Variants in PEX6 observed in about 807,000 individuals in gnomAD.
PEX6 encodes peroxisomal biogenesis factor 6.
A neutral mutation model predicts 85.6 loss-of-function variants in PEX6; 55 were observed. That is an observed-to-expected ratio of 0.64 (90% confidence interval 0.52 to 0.80). The LOEUF is 0.80. Ranked by LOEUF, PEX6 falls within the 30% of genes least tolerant of loss-of-function variation. The pLI, the probability that PEX6 is intolerant of heterozygous loss-of-function variation, is 0.00. For missense variants in PEX6, 1,099 were observed against 1,260.3 expected, an observed-to-expected ratio of 0.87 and a Z score of 1.94; for synonymous variants, 519 against 549.1, an observed-to-expected ratio of 0.95 and a Z score of 0.77.
Position 42,967,511 on chromosome 6 carries a change from C to T in PEX6, c.1741G>A (p.Ala581Thr), listed in dbSNP as rs1316254924. ...ATTSRAQDLP[A>T]DVQTAFPHEL... is the part of the protein sequence containing the mutation. Reference sequence around the variant, plus strand: ...TGAGGAAATGCTGTCTGCACATCAGCAGGCAGGTCCTGGGCCCGGCTTGTG... The same window carrying T: ...TGAGGAAATGCTGTCTGCACATCAGTAGGCAGGTCCTGGGCCCGGCTTGTG... Residue 581 changes from alanine (A) to threonine (T), a missense_variant, in exon 8 of 17, where the codon GCT becomes ACT. This residue lies in a region of PEX6 where 514 missense variants were observed against 627.0 expected (regional missense o/e 0.82). Transcript: ENST00000304611. The T allele has an allele frequency of 1.2e-6, 2 of 1,608,990 alleles. No individual in the cohort carries two copies. Among genetic ancestry groups the T allele is most frequent in the African/African-American group, 1.3e-5 (1 of 74,984 alleles).
chr6:42,976,654 C>T (rs1336146413), intron 1 of PEX6, among the ~76,000 whole-genome samples: 5 of 151,600 alleles, frequency 3.3e-5, no homozygotes, highest in African/African-American at 1.2e-4. Context: ...TGAGCCACTG[C>T]GCCTGGCCTT....
At position 42,971,907 on chromosome 6, in the gene PEX6, A is replaced by G. The variant is rs1239640149; in HGVS notation, c.1131-1920T>C. Among the ~76,000 whole-genome samples the G allele has an allele frequency of 1.3e-5, 2 of 152,234 alleles. No individual in the cohort carries two copies. Among genetic ancestry groups the G allele is most frequent in the Non-Finnish European group, 2.9e-5 (2 of 68,036 alleles). ...GAAAGCTAGCTCAAAGACGTTTGCT[A>G]AATTTATGATAGGAGAGAGAGGTGG... On this transcript the variant is annotated intron_variant, in intron 3 of 16. Transcript: ENST00000304611. This position sits in a 1 kb window ranked among gnomAD's most constrained non-coding sequence, Gnocchi z 4.4.
chr6:42,968,781 G>C, intron 6 of PEX6, 93 bp downstream of exon 6: 1 of 971,048 alleles, frequency 1.0e-6, no homozygotes, highest in South Asian at 1.3e-5. Context: ...CCTGTGAGTA[G>C]ACAGAGGAGG....
Position 42,965,747 on chromosome 6 carries a change from A to G in PEX6, c.2405T>C (p.Phe802Ser). Reference sequence around the variant, plus strand: ...TGGGGCCAAAGAGTCCAGTTCATCAAAGAAGATAATGCATGGAGCTGCAGC... The same window carrying G: ...TGGGGCCAAAGAGTCCAGTTCATCAGAGAAGATAATGCATGGAGCTGCAGC... ...ARAAAPCIIFFDELDSLAPSR... is the reference protein window; with the variant it reads ...ARAAAPCIIFSDELDSLAPSR... Residue 802 changes from phenylalanine to serine, a missense_variant, in exon 13 of 17, where the codon TTT becomes TCT. This residue lies in a region of PEX6 where 514 missense variants were observed against 627.0 expected (regional missense o/e 0.82). Coordinates refer to ENST00000304611, the MANE Select transcript of PEX6 (RefSeq NM_000287.4). The surrounding 1 kb of genome is among the most constrained non-coding windows in gnomAD (Gnocchi z 5.0). 6.2e-7 allele frequency: 1 copy of G among 1,614,046 alleles called. No individual in the cohort carries two copies. Among genetic ancestry groups the G allele is most frequent in the Non-Finnish European group, 8.5e-7 (1 of 1,179,994 alleles).
rs941198230 is a variant in PEX6, at chr6:42,964,153, A to T, written c.*182T>A. 4 of 645,640 alleles carry T rather than the reference A, an allele frequency of 6.2e-6. No individual in the cohort carries two copies. Among genetic ancestry groups the T allele is most frequent in the Non-Finnish European group, 1.1e-5 (4 of 369,010 alleles). 40.0% of individuals were successfully genotyped at this position (645,640 alleles called of 1,614,324 possible). ...GGAAGGAGGGGCAAGTAGGCAGGAG[A>T]TATCTCTTGAGCTGTTGCTGCTGTC... On this transcript the variant is annotated 3_prime_UTR_variant, in exon 17 of 17. Coordinates refer to ENST00000304611, the MANE Select transcript of PEX6 (RefSeq NM_000287.4). The surrounding 1 kb of genome is among the most constrained non-coding windows in gnomAD (Gnocchi z 4.6).
intron 1 of PEX6, 55 bp from the exon 2 acceptor site, chr6:42,975,093 A>C: frequency 7.0e-7 from 1 of 1,428,972 alleles, no homozygotes; most frequent in Admixed American, 1.7e-5. Context: ...GCAGGCTCTA[A>C]CCTGTCTCTC....
rs552952080 is a variant in PEX6 at position 42,971,737 on chromosome 6, G to C, written c.1131-1750C>G. ...TTGCGGGGAAAAGAACTATGTGCTC[G>C]GCACTCAGGAGGAAAGCAGGGTTCT... On this transcript the variant is annotated intron_variant, in intron 3 of 16. Coordinates refer to ENST00000304611, the MANE Select transcript of PEX6 (RefSeq NM_000287.4). This position sits in a 1 kb window ranked among gnomAD's most constrained non-coding sequence, Gnocchi z 4.4. 2.6e-5 allele frequency among the ~76,000 whole-genome samples: 4 copies of C among 152,206 alleles called. No individual in the cohort carries two copies. The highest frequency in any genetic ancestry group is 9.7e-5 in the African/African-American group (4 of 41,434).
intron 7 of PEX6, 48 bp from the exon 8 acceptor site, chr6:42,967,611 T>A: frequency 1.3e-6 from 2 of 1,529,568 alleles, no homozygotes; most frequent in Non-Finnish European, 1.8e-6. Context: ...GGCTGGCAGC[T>A]CCTGTGGACT....
rs774799323 is a variant in PEX6, at chr6:42,966,431, C to G, written c.2111G>C (p.Trp704Ser). 29 of 1,614,038 alleles carry G rather than the reference C, an allele frequency of 1.8e-5. No homozygotes were observed. Among genetic ancestry groups the G allele is most frequent in the Non-Finnish European group, 2.3e-5 (27 of 1,180,030 alleles). Residue 704 changes from tryptophan to serine, a missense_variant, in exon 11 of 17, where the codon TGG becomes TCG. Physicochemically the swap from Trp to Ser is radical, Grantham distance 177. Transcript: ENST00000304611. ...CTCCTGCAGCCCACCCACATCATGC[C>G]AGGACACTGAGGGGATCTAGGAGAT... ...VGAPKIPSVS[W>S]HDVGGLQEVK...
rs1769810991 is a variant in PEX6 at position 42,966,443 on chromosome 6, G to C, written c.2099C>G (p.Pro700Arg). Reference protein sequence around the residue: ...HSQAVGAPKIPSVSWHDVGGL... With the variant: ...HSQAVGAPKIRSVSWHDVGGL... ...ACCCACATCATGCCAGGACACTGAG[G>C]GGATCTAGGAGATGGAAAGTGCGTG... Residue 700 changes from proline to arginine, a missense_variant, in exon 11 of 17, where the codon CCC becomes CGC. By Grantham distance (103) the Pro-to-Arg change is moderately radical (BLOSUM62 -2). This residue lies in a region of PEX6 where 514 missense variants were observed against 627.0 expected (regional missense o/e 0.82). Coordinates refer to ENST00000304611, the MANE Select transcript of PEX6 (RefSeq NM_000287.4). The C allele has an allele frequency of 1.9e-6, 3 of 1,614,020 alleles. No homozygotes were observed. Among genetic ancestry groups the C allele is most frequent in the Non-Finnish European group, 2.5e-6 (3 of 1,180,026 alleles).
In PEX6 at chr6:42,966,410, T is replaced by C. The variant is rs2114240042; in HGVS notation, c.2132A>G (p.Gln711Arg). The change falls in exon 11 of 17, where the codon CAG (glutamine) becomes CGG (arginine). Residue 711 changes from glutamine to arginine, a missense_variant. Coordinates refer to ENST00000304611, the MANE Select transcript of PEX6 (RefSeq NM_000287.4). ...CTCCAGGATCTCCTTCTTCACCTCC[T>C]GCAGCCCACCCACATCATGCCAGGA... ...SVSWHDVGGL[Q>R]EVKKEILETI... The C allele has an allele frequency of 1.2e-6, 2 of 1,614,102 alleles. No homozygotes were observed. The highest frequency in any genetic ancestry group is 1.1e-5 in the South Asian group (1 of 91,076).
chr6:42,974,467 T>C (rs1404794503), intron 2 of PEX6, among the ~76,000 whole-genome samples: 1 of 140,072 alleles, frequency 7.1e-6, no homozygotes, highest in Non-Finnish European at 1.5e-5. Context: ...TTTTTTTTTT[T>C]TTTTTTTTGA....
chr6:42,965,794 A>C lies in PEX6; in HGVS notation c.2363-5T>G. On this transcript the variant is annotated splice_polypyrimidine_tract_variant and splice_region_variant and intron_variant, in intron 12 of 16. Coordinates refer to ENST00000304611, the MANE Select transcript of PEX6 (RefSeq NM_000287.4). The surrounding 1 kb of genome is among the most constrained non-coding windows in gnomAD (Gnocchi z 5.0). ...CAGCCCTGGCCCTGGCAAACACTGA[A>C]GAGAGAGAGGGGCCCACAGGAGGGC... The C allele has an allele frequency of 1.2e-6, 2 of 1,608,992 alleles. No individual in the cohort carries two copies. The highest frequency in any genetic ancestry group is 1.7e-6 in the Non-Finnish European group (2 of 1,175,746).
chr6:42,968,833 G>A, intron 6 of PEX6, 41 bp downstream of exon 6: 1 of 1,382,702 alleles, frequency 7.2e-7, no homozygotes, highest in South Asian at 1.2e-5. Flanking sequence ...ATGAGCTGGG[G>A]AGGGGAAGTA....
intron 8 of PEX6, 106 bp from the exon 9 acceptor site, chr6:42,966,964 GTTGTTTT>G: frequency 3.4e-6 from 2 of 584,548 alleles, no homozygotes; most frequent in Admixed American, 3.4e-5. Context: ...CCTTAGGTTT[GTTGTTTT>G]TTTTTTTTTT....
At chr6:42,968,526 G>A (rs766350748) in intron 6 of PEX6, 28 bp from the exon 7 acceptor site, 5 of 1,534,364 alleles carry the variant, frequency 3.3e-6, no homozygotes, top group Non-Finnish European at 4.4e-6. Context: ...ATGGGTCTGT[G>A]AGCAAGGGGA....
At position 42,977,439 on chromosome 6, in the gene PEX6, T is replaced by G. The variant is rs115418905; in HGVS notation, c.882+830A>C. ...AAACTTCACCTTTCACCTGAATGGA[T>G]GAAAGCCTTTTGTATGCCCCACTAC... On this transcript the variant is annotated intron_variant, in intron 1 of 16. Coordinates refer to ENST00000304611, the MANE Select transcript of PEX6 (RefSeq NM_000287.4). Among the ~76,000 whole-genome samples the G allele has an allele frequency of 6.5e-3, 980 of 151,832 alleles. 9 individuals are homozygous for G. Among genetic ancestry groups the G allele is most frequent in the African/African-American group, 0.022 (908 of 41,404 alleles).
At position 42,979,080 on chromosome 6, in the gene PEX6, G is replaced by T; in HGVS notation, c.71C>A (p.Pro24Gln). The change falls in exon 1 of 17, where the codon CCA (proline) becomes CAA (glutamine). Residue 24 changes from proline to glutamine, a missense_variant. Around this residue, in one of 3 missense-constraint regions of PEX6, gnomAD observed 579 missense variants for 611.6 expected, o/e 0.95. Coordinates refer to ENST00000304611, the MANE Select transcript of PEX6 (RefSeq NM_000287.4). ...CGCCGCCGGCCACGGGCCCCCGGGT[G>T]GCAGCAGCACTGCCAACGGGGGTGT... ...TETPPLAVLL[P>Q]PGGPWPAAEL... 6.5e-7 allele frequency: 1 copy of T among 1,546,200 alleles called. No homozygotes were observed. The highest frequency in any genetic ancestry group is 8.7e-7 in the Non-Finnish European group (1 of 1,154,062).
intron 1 of PEX6, among the ~76,000 whole-genome samples, chr6:42,976,264 A>T (rs1272845688): frequency 6.6e-6 from 1 of 152,166 alleles, no homozygotes; most frequent in African/African-American, 2.4e-5. Context: ...AAAAGCCACA[A>T]AGTGGCTGGT....
Sources: gnomAD v4.1 joint callset for allele counts (sites outside exome capture counted in the v4.1 genomes callset) on GRCh38, gnomAD v4.1.1 for gene constraint, gnomAD v4.1.1 regional missense constraint, Gnocchi (gnomAD v3.1) non-coding constraint, MANE v1.5 for transcripts, NCBI Gene and HGNC (gene_info 2026-07-23, HGNC 2026-07-21) for gene names.